Variants in PXDNL observed in about 807,000 individuals in gnomAD.
The protein encoded by PXDNL is peroxidasin like.
PXDNL carries 145 observed loss-of-function variants against 150.8 expected under a neutral mutation model. That is an observed-to-expected ratio of 0.96 (90% CI 0.84 to 1.10). PXDNL has a LOEUF of 1.10. Ranked by LOEUF, PXDNL falls within the 50% of genes least tolerant of loss-of-function variation. PXDNL has a pLI of 0.00. For missense variants in PXDNL, 2,087 were observed against 1,873.9 expected (o/e 1.11, Z -2.10); for synonymous variants, 757 against 725.7 (o/e 1.04, Z -0.69).
chr8:51,415,343 G>C (rs991835107), intron 14 of PXDNL, among the ~76,000 whole-genome samples: 3 of 152,166 alleles, frequency 2.0e-5, no homozygotes, highest in Non-Finnish European at 2.9e-5. Flanking sequence ...AGTTCCTCGG[G>C]CTGTACAGGA....
intron 21 of PXDNL, among the ~76,000 whole-genome samples, chr8:51,339,342 C>T (rs1214585958): frequency 2.6e-5 from 4 of 152,146 alleles, no homozygotes; most frequent in Non-Finnish European, 2.9e-5. Context: ...CGCCTGTAAT[C>T]CCAGCTACTT....
chr8:51,656,346 T>C (rs907054983), intron 1 of PXDNL, among the ~76,000 whole-genome samples: 1 of 152,232 alleles, frequency 6.6e-6, no homozygotes, highest in African/African-American at 2.4e-5. Context: ...TCAGTGACTA[T>C]ACCTCCTTGC....
At chr8:51,392,093 TCTATATCTCTGTTTTGGTACCAGTAC>T (rs1308645437) in intron 17 of PXDNL, among the ~76,000 whole-genome samples, 1 of 152,222 alleles carries the variant, frequency 6.6e-6, no homozygotes, top group African/African-American at 2.4e-5. Flanking sequence ...GTTCCATTGA[TCTATATCTCTGTTTTGGTACCAGTAC>T]CATGCTGTTT....
intron 1 of PXDNL, among the ~76,000 whole-genome samples, chr8:51,768,191 G>A (rs183713936): frequency 6.6e-6 from 1 of 151,554 alleles, no homozygotes; most frequent in East Asian, 1.9e-4. Flanking sequence ...TCCTTCAACT[G>A]TTGAAAACCT....
chr8:51,653,904 C>T (rs1815094015), intron 2 of PXDNL, among the ~76,000 whole-genome samples: 2 of 152,206 alleles, frequency 1.3e-5, no homozygotes, highest in Non-Finnish European at 2.9e-5. Context: ...CTAAATGCAG[C>T]ATAGGAAGAT....
chr8:51,684,383 C>T (rs1815825798), intron 1 of PXDNL, among the ~76,000 whole-genome samples: 1 of 152,170 alleles, frequency 6.6e-6, no homozygotes, highest in South Asian at 2.1e-4. Flanking sequence ...AGGATAGCCC[C>T]CAAGATTCCC....
intron 3 of PXDNL, among the ~76,000 whole-genome samples, chr8:51,583,193 T>C (rs111720941): frequency 0.039 from 5,926 of 152,198 alleles, 383 homozygotes; most frequent in African/African-American, 0.13. Flanking sequence ...GCTGGGTAAT[T>C]TATAAAGAAG....
At chr8:51,528,525 A>G (rs71513529) in intron 4 of PXDNL, among the ~76,000 whole-genome samples, 1 of 152,240 alleles carries the variant, frequency 6.6e-6, no homozygotes, top group African/African-American at 2.4e-5. Flanking sequence ...CTTAATCTCC[A>G]AACCTGATTG....
At chr8:51,363,447 G>C (rs143476738) in intron 19 of PXDNL, among the ~76,000 whole-genome samples, 1 of 152,230 alleles carries the variant, frequency 6.6e-6, no homozygotes, top group African/African-American at 2.4e-5. Flanking sequence ...CTCTCTTAAG[G>C]GCTTACAACT....
At chr8:51,638,944 G>T (rs1814673454) in intron 2 of PXDNL, among the ~76,000 whole-genome samples, 1 of 152,078 alleles carries the variant, frequency 6.6e-6, no homozygotes, top group Non-Finnish European at 1.5e-5. Flanking sequence ...TGAACACATA[G>T]TTGGAAGTAA....
intron 2 of PXDNL, among the ~76,000 whole-genome samples, chr8:51,613,944 G>A (rs1206310717): frequency 6.6e-6 from 1 of 152,150 alleles, no homozygotes; most frequent in Non-Finnish European, 1.5e-5. Flanking sequence ...CAGTCTCTCT[G>A]TCCTAGGTTT....
At chr8:51,544,827 T>C (rs116402975) in intron 4 of PXDNL, among the ~76,000 whole-genome samples, 2,681 of 152,298 alleles carry the variant, frequency 0.018, 85 homozygotes, top group African/African-American at 0.06. Flanking sequence ...AAAGATCTAT[T>C]ATTTATCTCT....
At chr8:51,575,532 T>C (rs1054329902) in intron 3 of PXDNL, among the ~76,000 whole-genome samples, 1 of 151,964 alleles carries the variant, frequency 6.6e-6, no homozygotes, top group East Asian at 1.9e-4. Context: ...TTGGCCAATA[T>C]GGTGAAACCC....
intron 19 of PXDNL, among the ~76,000 whole-genome samples, chr8:51,364,997 G>A (rs1031435227): frequency 7.9e-5 from 12 of 152,266 alleles, no homozygotes; most frequent in African/African-American, 2.9e-4. Flanking sequence ...TTGGAGTGCA[G>A]TGGCATGATC....
chr8:51,726,099 C>T (rs1816812726), intron 1 of PXDNL, among the ~76,000 whole-genome samples: 1 of 152,220 alleles, frequency 6.6e-6, no homozygotes, highest in Non-Finnish European at 1.5e-5. Flanking sequence ...TTAAACATTA[C>T]AGAAAGAAAT....
At chr8:51,609,345 G>A (rs940150059) in intron 2 of PXDNL, among the ~76,000 whole-genome samples, 1 of 152,176 alleles carries the variant, frequency 6.6e-6, no homozygotes, top group Non-Finnish European at 1.5e-5. Context: ...TCCAGTGGGG[G>A]CAGGTGGTAA....
chr8:51,531,680 T>A (rs1811910846), intron 4 of PXDNL, among the ~76,000 whole-genome samples: 1 of 152,262 alleles, frequency 6.6e-6, no homozygotes, highest in Admixed American at 6.5e-5. Flanking sequence ...CTTATACAGA[T>A]CTATGGGCAA....
At chr8:51,384,354 AG>A (rs1807635713) in intron 17 of PXDNL, among the ~76,000 whole-genome samples, 1 of 150,746 alleles carries the variant, frequency 6.6e-6, no homozygotes, top group Non-Finnish European at 1.5e-5. Context: ...TATGGTTACC[AG>A]CACTGAAATA....
chr8:51,633,318 G>A (rs569102562), intron 2 of PXDNL, among the ~76,000 whole-genome samples: 1 of 152,234 alleles, frequency 6.6e-6, no homozygotes, highest in African/African-American at 2.4e-5. Flanking sequence ...CACCTAGGTT[G>A]ATTCTGTCTT....
Sources: gnomAD v4.1 joint callset for allele counts (sites outside exome capture counted in the v4.1 genomes callset) on GRCh38, gnomAD v4.1.1 for gene constraint, MANE v1.5 for transcripts, NCBI Gene and HGNC (gene_info 2026-07-23, HGNC 2026-07-21) for gene names.